The following SCOC variants were observed in gnomAD, a reference collection of about 807,000 sequenced individuals.
The protein encoded by SCOC is short coiled-coil protein.
In SCOC, 7 loss-of-function variants were observed where a neutral mutation model predicts 9.9. That is an observed-to-expected ratio of 0.71 (90% CI 0.40 to 1.33). The LOEUF (loss-of-function observed/expected upper bound fraction) is 1.33, where lower values mean the gene tolerates loss of function less well. Among genes scored for constraint, SCOC ranks in the 40% most tolerant of loss-of-function variants. The pLI, the probability that SCOC is intolerant of heterozygous loss-of-function variation, is 0.01. For synonymous variants in SCOC, 19 were observed against 28.2 expected (o/e 0.67, Z 1.03); for missense variants, 66 against 89.7 (o/e 0.74, Z 1.07).
chr4:140,288,401 A>C (rs1052472696), intron 1 of SCOC, among the ~76,000 whole-genome samples: 1 of 152,040 alleles, frequency 6.6e-6, no homozygotes, highest in Non-Finnish European at 1.5e-5. Flanking sequence ...AACACCATGC[A>C]AATACCCCAC....
At chr4:140,259,602 A>AG (rs1421730340) in intron 1 of SCOC, among the ~76,000 whole-genome samples, 1 of 152,202 alleles carries the variant, frequency 6.6e-6, no homozygotes, top group Non-Finnish European at 1.5e-5. Flanking sequence ...CCAGTTACTC[A>AG]GGAGGCTGAG....
chr4:140,339,836 C>A (rs1726433113), upstream of SCOC, among the ~76,000 whole-genome samples: 1 of 152,186 alleles, frequency 6.6e-6, no homozygotes, highest in Non-Finnish European at 1.5e-5. Context: ...AATAGGAACA[C>A]TTTTACACTG....
At chr4:140,265,318 G>A (rs1006916925) in intron 1 of SCOC, among the ~76,000 whole-genome samples, 1 of 152,174 alleles carries the variant, frequency 6.6e-6, no homozygotes, top group Non-Finnish European at 1.5e-5. Context: ...CTCTCAGTTT[G>A]CCTGTTCTCT....
At chr4:140,369,206 T>C, upstream of SCOC, 1 of 284,590 alleles carries the variant, frequency 3.5e-6, no homozygotes, top group Non-Finnish European at 7.3e-6. Flanking sequence ...ATTTACCAAA[T>C]AGCTATATGG....
At chr4:140,337,738 A>T (rs960380791) in intron 1 of SCOC, among the ~76,000 whole-genome samples, 4 of 152,204 alleles carry the variant, frequency 2.6e-5, no homozygotes, top group African/African-American at 7.2e-5. Flanking sequence ...ACACCCTCCC[A>T]AGGCTAAACC....
chr4:140,325,174 A>G (rs1732610210), intron 1 of SCOC, among the ~76,000 whole-genome samples: 2 of 152,176 alleles, frequency 1.3e-5, no homozygotes. Context: ...AAAATGGATA[A>G]TAAACCTAAA....
intron 1 of SCOC, among the ~76,000 whole-genome samples, chr4:140,294,348 C>T (rs745951483): frequency 1.3e-5 from 2 of 152,140 alleles, no homozygotes; most frequent in Admixed American, 6.5e-5. Flanking sequence ...ATGGAAGTAC[C>T]GGATGCCACT....
chr4:140,289,817 A>G (rs1017671819), intron 1 of SCOC, among the ~76,000 whole-genome samples: 2 of 152,242 alleles, frequency 1.3e-5, no homozygotes, highest in African/African-American at 4.8e-5. Flanking sequence ...CTGCCAGCTC[A>G]GAGAAAGCTG....
chr4:140,273,170 A>G (rs6831812), intron 1 of SCOC, among the ~76,000 whole-genome samples: 38,492 of 152,128 alleles, frequency 0.25, 8,268 homozygotes, highest in African/African-American at 0.57. Flanking sequence ...CGGCTGGAAA[A>G]CACAATAGAA....
intron 1 of SCOC, among the ~76,000 whole-genome samples, chr4:140,300,499 T>C (rs1365554989): frequency 6.6e-6 from 1 of 152,196 alleles, no homozygotes; most frequent in Non-Finnish European, 1.5e-5. Flanking sequence ...CACTAAAGAA[T>C]GCCAGCTTCA....
chr4:140,343,529 C>T (rs1380915379), intron 1 of SCOC: 3 of 778,660 alleles, frequency 3.9e-6, no homozygotes, highest in African/African-American at 1.7e-5. Context: ...TCAGATAGCA[C>T]CTGCTTGGAA....
At chr4:140,293,430 G>C (rs1354151610) in intron 1 of SCOC, 8 of 456,548 alleles carry the variant, frequency 1.8e-5, no homozygotes, top group South Asian at 1.1e-4. Flanking sequence ...TAAACTAAAA[G>C]AATAAGAGAG....
chr4:140,278,583 C>A (rs1330247607), intron 1 of SCOC, among the ~76,000 whole-genome samples: 3 of 152,070 alleles, frequency 2.0e-5, no homozygotes, highest in Non-Finnish European at 4.4e-5. Context: ...ACAGGTGAAG[C>A]CTTTTTTATA....
At chr4:140,265,998 C>A (rs2126394087) in intron 1 of SCOC, among the ~76,000 whole-genome samples, 1 of 152,320 alleles carries the variant, frequency 6.6e-6, no homozygotes, top group South Asian at 2.1e-4. Flanking sequence ...CTGTCCAGGG[C>A]TGTCTCCCCA....
In SCOC at chr4:140,385,434, C is replaced by T. The variant is rs1290824173; in HGVS notation, c.*4330C>T. 1 of 152,072 alleles carries T rather than the reference C, an allele frequency of 6.6e-6. No individual in the cohort carries two copies. Among genetic ancestry groups the T allele is most frequent in the African/African-American group, 2.4e-5 (1 of 41,374 alleles). 9.4% of individuals were successfully genotyped at this position (152,072 alleles called of 1,614,324 possible). ...TCAGCTACCAGGTGAGTTTTGTTGC[C>T]AAAATGCTAGGAAAATCTTTAACTT... On this transcript the variant is annotated 3_prime_UTR_variant, in exon 4 of 4. Coordinates refer to ENST00000608372, the MANE Select transcript of SCOC (RefSeq NM_001153484.2).
intron 2 of SCOC, among the ~76,000 whole-genome samples, chr4:140,359,595 C>A (rs945970016): frequency 5.9e-5 from 9 of 152,142 alleles, no homozygotes; most frequent in African/African-American, 2.2e-4. Flanking sequence ...TAAAAAATCA[C>A]CACAGCTGGT....
chr4:140,311,940 A>C (rs1285011630), intron 1 of SCOC, among the ~76,000 whole-genome samples: 1 of 152,204 alleles, frequency 6.6e-6, no homozygotes, highest in East Asian at 1.9e-4. Flanking sequence ...CATCTTTAGA[A>C]TGTGTCAATG....
intron 1 of SCOC, among the ~76,000 whole-genome samples, chr4:140,316,713 G>T (rs1042400076): frequency 6.6e-6 from 1 of 152,032 alleles, no homozygotes; most frequent in Non-Finnish European, 1.5e-5. Context: ...ACAATTGAGG[G>T]CATGCTGAAT....
At chr4:140,310,429 C>T (rs1001864116) in intron 1 of SCOC, among the ~76,000 whole-genome samples, 9 of 152,298 alleles carry the variant, frequency 5.9e-5, no homozygotes, top group Admixed American at 3.9e-4. Context: ...TCCTTTTTTA[C>T]AAGGTTCTGG....
Sources: gnomAD v4.1 joint callset for allele counts (sites outside exome capture counted in the v4.1 genomes callset) on GRCh38, gnomAD v4.1.1 for gene constraint, MANE v1.5 for transcripts, NCBI Gene and HGNC (gene_info 2026-07-23, HGNC 2026-07-21) for gene names.